ADGRG3: variants seen among roughly 807,000 people sequenced by gnomAD.
The protein encoded by ADGRG3 is G protein-coupled receptor 97.
In ADGRG3, 39 loss-of-function variants were observed where a neutral mutation model predicts 54.3. That is an observed-to-expected ratio of 0.72 (90% CI 0.56 to 0.94). The LOEUF is 0.94. ADGRG3 is among the 40% of genes least tolerant of loss of function. The pLI, the probability that ADGRG3 is intolerant of heterozygous loss-of-function variation, is 0.00. For synonymous variants in ADGRG3, 312 were observed against 290.0 expected (o/e 1.08, Z -0.77); for missense variants, 654 against 694.6 (o/e 0.94, Z 0.66).
chr16:57,682,895 A>G (rs1286122533), intron 8 of ADGRG3, among the ~76,000 whole-genome samples: 1 of 152,088 alleles, frequency 6.6e-6, no homozygotes, highest in African/African-American at 2.4e-5. Context: ...CTGTCCATCC[A>G]CTTCACCAAT....
At position 57,688,693 on chromosome 16, in the gene ADGRG3, A is replaced by C; in HGVS notation, c.*232A>C. 1 of 503,234 alleles carries C rather than the reference A, an allele frequency of 2.0e-6. No individual in the cohort carries two copies. Among genetic ancestry groups the C allele is most frequent in the Non-Finnish European group, 3.6e-6 (1 of 277,998 alleles). 31.2% of individuals were successfully genotyped at this position (503,234 alleles called of 1,614,324 possible). A position where few individuals can be genotyped will look rare whatever the true frequency, so the allele number is the denominator to read the frequency against. On this transcript the variant is annotated 3_prime_UTR_variant, in exon 12 of 12. Transcript: ENST00000333493. ...AGGCTCTAAAGTTCCTATAGTCCTG[A>C]GACCCCCTGCCAGCAAAGAGTGACA...
Position 57,684,247 on chromosome 16 carries a change from G to A in ADGRG3, c.1162+35G>A, listed in dbSNP as rs376521605. The A allele has an allele frequency of 4.0e-5, 64 of 1,596,122 alleles. No homozygotes were observed. In the African/African-American group the frequency reaches 6.2e-4, roughly 15 times the overall value. On this transcript the variant is annotated intron_variant, in intron 9 of 11. Transcript: ENST00000333493. ...GCCTGGATGGACAGAATAAACGGCC[G>A]GCCCTGAGGGTGCAGAGGGAAATAG... is the stretch of plus-strand genomic sequence containing the variant.
chr16:57,683,229 C>G (rs1367615306), intron 8 of ADGRG3, among the ~76,000 whole-genome samples: 1 of 152,134 alleles, frequency 6.6e-6, no homozygotes, highest in African/African-American at 2.4e-5. Context: ...TTCTTCTCTT[C>G]CCAAGGCTGC....
At position 57,673,438 on chromosome 16, in the gene ADGRG3, G is replaced by T; in HGVS notation, c.176G>T (p.Ser59Ile). 6.2e-7 allele frequency: 1 copy of T among 1,611,498 alleles called. No individual in the cohort carries two copies. The highest frequency in any genetic ancestry group is 8.5e-7 in the Non-Finnish European group (1 of 1,177,646). Residue 59 changes from serine to isoleucine, a missense_variant, in exon 2 of 12, where the codon AGC (serine) becomes ATC (isoleucine). By Grantham distance (142) the Ser-to-Ile change is moderately radical. Transcript: ENST00000333493. ...LCFTKCRQSG[S>I]DSCNVENLQR... ...TTCACCAAGTGCAGGCAGTCGGGCA[G>T]CGACTCCTGCAATGTGGAAAACTTG...
rs530902675 is a variant in ADGRG3 at position 57,676,664 on chromosome 16, C to T, written c.345+326C>T. On this transcript the variant is annotated intron_variant, in intron 3 of 11. Transcript: ENST00000333493. ...ATGGGCAAATTACTTTTCTGAGCCT[C>T]GGTTTCTCTGTCTATAAAAAGATGA... Among the ~76,000 whole-genome samples, 17 of 152,288 alleles carry T rather than the reference C, an allele frequency of 1.1e-4. No individual in the cohort carries two copies. In the East Asian group the frequency reaches 1.4e-3, roughly 12 times the overall value.
chr16:57,675,046 G>A (rs937354850), intron 2 of ADGRG3, among the ~76,000 whole-genome samples: 12 of 145,376 alleles, frequency 8.3e-5, no homozygotes, highest in African/African-American at 1.5e-4. Flanking sequence ...CATCTTGTAC[G>A]TGAATATTTG....
chr16:57,686,493 C>G (rs935738), intron 11 of ADGRG3, among the ~76,000 whole-genome samples: 52,486 of 152,008 alleles, frequency 0.35, 9,466 homozygotes, highest in African/African-American at 0.45. Flanking sequence ...GATTTGGAAG[C>G]AACAAACATC....
At position 57,685,842 on chromosome 16, in the gene ADGRG3, G is replaced by A. The variant is rs765703948; in HGVS notation, c.1456G>A (p.Val486Met). Residue 486 changes from valine (V) to methionine (M), a missense_variant, in exon 11 of 12, where the codon GTG (valine) becomes ATG (methionine). Coordinates refer to ENST00000333493, the MANE Select transcript of ADGRG3 (RefSeq NM_170776.5). ...CACCCTGCTGGGCCTCTCGAGCCTG[G>A]TGGGTGTGACATGGGGGTTGGCCAT... ...VLTLLGLSSL[V>M]GVTWGLAIFT... 3.1e-6 allele frequency: 5 copies of A among 1,614,174 alleles called. No homozygotes were observed. Among genetic ancestry groups the A allele is most frequent in the Non-Finnish European group, 4.2e-6 (5 of 1,180,024 alleles).
chr16:57,680,657 C>A (rs972745690), intron 8 of ADGRG3, 40 bp downstream of exon 8: 1 of 1,387,428 alleles, frequency 7.2e-7, no homozygotes, highest in Non-Finnish European at 1.0e-6. Flanking sequence ...TCCCTCCCGC[C>A]CTCAAGGGAG....
intron 1 of ADGRG3, among the ~76,000 whole-genome samples, chr16:57,671,907 G>A (rs1231180933): frequency 2.0e-5 from 3 of 152,140 alleles, no homozygotes; most frequent in African/African-American, 7.2e-5. Flanking sequence ...CCTATAAATC[G>A]CAGCACTTTG....
chr16:57,689,121 T>C lies in ADGRG3; in HGVS notation c.*660T>C, dbSNP rs754397631. 6.5e-6 allele frequency: 1 copy of C among 153,692 alleles called. No individual in the cohort carries two copies. The highest frequency in any genetic ancestry group is 1.4e-5 in the Non-Finnish European group (1 of 69,096). 9.5% of individuals were successfully genotyped at this position (153,692 alleles called of 1,614,324 possible). ...CTTGGGCAAACCCCCCACTCCTGAC[T>C]CTGACTGCCACGTGGGTGGCCCGAC... On this transcript the variant is annotated 3_prime_UTR_variant, in exon 12 of 12. Transcript: ENST00000333493.
intron 8 of ADGRG3, 49 bp downstream of exon 8, chr16:57,680,666 A>C: frequency 7.6e-7 from 1 of 1,314,600 alleles, no homozygotes; most frequent in Non-Finnish European, 1.1e-6. Context: ...CCCTCAAGGG[A>C]GGCAGCAGGG....
At chr16:57,685,190 C>G (rs543264517) in intron 10 of ADGRG3, among the ~76,000 whole-genome samples, 1 of 152,282 alleles carries the variant, frequency 6.6e-6, no homozygotes, top group East Asian at 1.9e-4. Flanking sequence ...GCCTCAAAAG[C>G]AGGGGCCCCA....
chr16:57,680,418 G>C (rs1367016796), intron 7 of ADGRG3, 53 bp downstream of exon 7: 2 of 1,567,664 alleles, frequency 1.3e-6, no homozygotes, highest in Non-Finnish European at 8.8e-7. Flanking sequence ...TCCAGCTCCT[G>C]CCCTGGGGAG....
At chr16:57,671,938 C>T (rs575329985) in intron 1 of ADGRG3, among the ~76,000 whole-genome samples, 3 of 152,280 alleles carry the variant, frequency 2.0e-5, no homozygotes, top group Non-Finnish European at 4.4e-5. Context: ...GTGAGCGGAT[C>T]GCTTGAGCCC....
rs185051105 is a variant in ADGRG3 at position 57,680,655 on chromosome 16, G to A, written c.881+38G>A. 1.0e-4 allele frequency: 140 copies of A among 1,392,938 alleles called. 1 individual carries two copies. Among genetic ancestry groups the A allele is most frequent in the African/African-American group, 7.6e-4 (54 of 70,706 alleles). The allele number at this position is 1,392,938 out of a possible 1,614,324, so 86.3% of individuals were successfully genotyped here. ...CACCTCCCCACCATGTCTCCCTCCC[G>A]CCCTCAAGGGAGGCAGCAGGGCAGG... On this transcript the variant is annotated intron_variant, in intron 8 of 11. Transcript: ENST00000333493.
chr16:57,668,252 TG>T, upstream of ADGRG3: 1 of 961,942 alleles, frequency 1.0e-6, no homozygotes, highest in Non-Finnish European at 1.6e-6. Flanking sequence ...GCCAGAGTGG[TG>T]GGGCTGCAGG....
At chr16:57,671,110 T>C (rs1394828442) in intron 1 of ADGRG3, among the ~76,000 whole-genome samples, 2 of 152,116 alleles carry the variant, frequency 1.3e-5, no homozygotes, top group Non-Finnish European at 2.9e-5. Flanking sequence ...GCCGCAGATA[T>C]ACAGGTAGAT....
At position 57,673,479 on chromosome 16, in the gene ADGRG3, C is replaced by G. The variant is rs745907535; in HGVS notation, c.206+11C>G. The G allele has an allele frequency of 1.3e-6, 2 of 1,590,968 alleles. No homozygotes were observed. The highest frequency in any genetic ancestry group is 2.2e-5 in the South Asian group (2 of 90,394). On this transcript the variant is annotated intron_variant, in intron 2 of 11. Transcript: ENST00000333493. ...GGAAAACTTGCAGAGGTGAGGGGGCCCCCTGAGCTGGAGGGGGAATCTGAA... is the reference window on the plus strand; with the variant it reads ...GGAAAACTTGCAGAGGTGAGGGGGCGCCCTGAGCTGGAGGGGGAATCTGAA...
Sources: gnomAD v4.1 joint callset for allele counts (sites outside exome capture counted in the v4.1 genomes callset) on GRCh38, gnomAD v4.1.1 for gene constraint, MANE v1.5 for transcripts, NCBI Gene and HGNC (gene_info 2026-07-23, HGNC 2026-07-21) for gene names.